ANK2: variants seen among roughly 807,000 people sequenced by gnomAD.
ANK2 encodes the protein ankyrin 2.
ANK2 carries 83 observed loss-of-function variants against 360.5 expected under a neutral mutation model. That is an observed-to-expected ratio of 0.23 (90% CI 0.19 to 0.28). The LOEUF is 0.28. Among genes scored for constraint, ANK2 ranks in the 10% least tolerant of loss-of-function variants. The probability of loss-of-function intolerance (pLI) is 1.00; values close to 1 mark genes in which losing one functional copy is unlikely to be tolerated. For synonymous variants in ANK2, 1,740 were observed against 1,759.5 expected (o/e 0.99, Z 0.28); for missense variants, 4,201 against 4,795.7 (o/e 0.88, Z 3.66).
rs2154322500 is a variant in ANK2 at position 113,049,657 on chromosome 4, G to T, written c.-72G>T. 1 of 1,533,050 alleles carries T rather than the reference G, an allele frequency of 6.5e-7. No homozygotes were observed. 95.0% of individuals were successfully genotyped at this position (1,533,050 alleles called of 1,614,324 possible). On this transcript the variant is annotated 5_prime_UTR_variant, in exon 1 of 46. Coordinates refer to ENST00000357077, the MANE Select transcript of ANK2 (RefSeq NM_001148.6). ...CTCCTCCTGCTTTCCTCCAGTAAGTGCATACCCGCTAGTGGTCTGTACAGG... is the reference window on the plus strand; with the variant it reads ...CTCCTCCTGCTTTCCTCCAGTAAGTTCATACCCGCTAGTGGTCTGTACAGG...
chr4:113,082,158 A>C (rs1051610952), intron 1 of ANK2, among the ~76,000 whole-genome samples: 1 of 152,222 alleles, frequency 6.6e-6, no homozygotes, highest in Non-Finnish European at 1.5e-5. Context: ...ATTTTACTGC[A>C]TATAGGTAAT....
chr4:112,779,079 G>A, the ANK2 span, among the ~76,000 whole-genome samples: 2 of 152,252 alleles, frequency 1.3e-5, no homozygotes, highest in African/African-American at 4.8e-5. Flanking sequence ...TTCAGTTTGA[G>A]CGATCCTGCA....
At chr4:112,956,609 A>C (rs1373974111) in intron 2 of ANK2, among the ~76,000 whole-genome samples, 1 of 152,252 alleles carries the variant, frequency 6.6e-6, no homozygotes, top group Non-Finnish European at 1.5e-5. Flanking sequence ...TGTCCTAAGC[A>C]GCATGAGATT....
chr4:112,830,601 A>G (rs1459808702), intron 1 of ANK2, among the ~76,000 whole-genome samples: 1 of 147,964 alleles, frequency 6.8e-6, no homozygotes, highest in African/African-American at 2.5e-5. Context: ...CCCCTGTAAC[A>G]TGCAATTATT....
At chr4:112,716,404 T>C in the ANK2 span, among the ~76,000 whole-genome samples, 1 of 152,164 alleles carries the variant, frequency 6.6e-6, no homozygotes, top group African/African-American at 2.4e-5. Flanking sequence ...GCCTCATTGG[T>C]CCATCATTAA....
Position 113,148,687 on chromosome 4 carries a change from C to T in ANK2, c.85-25729C>T, listed in dbSNP as rs188295939. On this transcript the variant is annotated intron_variant, in intron 1 of 45. Coordinates refer to ENST00000357077, the MANE Select transcript of ANK2 (RefSeq NM_001148.6). ...ATAGTTTTGAATGCTGGCGATTTAA[C>T]GATGACAAGACAGAGTTCCTGTGAT... 3.3e-4 allele frequency among the ~76,000 whole-genome samples: 51 copies of T among 152,246 alleles called. 1 individual carries two copies. Among genetic ancestry groups the T allele is most frequent in the Non-Finnish European group, 8.8e-5 (6 of 68,022 alleles).
intron 1 of ANK2, among the ~76,000 whole-genome samples, chr4:113,121,517 G>A (rs1448523605): frequency 6.6e-6 from 1 of 152,078 alleles, no homozygotes; most frequent in East Asian, 1.9e-4. Context: ...TATCAAAATT[G>A]CACCAAAATA....
intron 1 of ANK2, among the ~76,000 whole-genome samples, chr4:112,856,492 C>T (rs1453960370): frequency 2.0e-5 from 3 of 152,144 alleles, no homozygotes; most frequent in African/African-American, 4.8e-5. Flanking sequence ...CTTTGGGAGA[C>T]TGAGGTGGGC....
chr4:113,075,981 A>G (rs1343437134), intron 1 of ANK2, among the ~76,000 whole-genome samples: 4 of 152,170 alleles, frequency 2.6e-5, no homozygotes, highest in African/African-American at 9.7e-5. Context: ...TGAGAATCTG[A>G]TTCAGTAATT....
At chr4:113,186,744 A>C (rs1160272663) in intron 2 of ANK2, among the ~76,000 whole-genome samples, 1 of 152,308 alleles carries the variant, frequency 6.6e-6, no homozygotes, top group South Asian at 2.1e-4. Context: ...TAAAATGGCA[A>C]CTTCTTCAAA....
At chr4:112,729,727 GAC>G in the ANK2 span, among the ~76,000 whole-genome samples, 2 of 144,988 alleles carry the variant, frequency 1.4e-5, no homozygotes, top group East Asian at 4.1e-4. Flanking sequence ...CAGCCTGGGT[GAC>G]AGAGAGAGAC....
chr4:113,282,934 C>A (rs2062960537), intron 18 of ANK2, 62 bp downstream of exon 18: 3 of 1,561,594 alleles, frequency 1.9e-6, no homozygotes, highest in Middle Eastern at 1.7e-4. Flanking sequence ...AGGAACCAAT[C>A]GCAGACAGTT....
At chr4:112,957,581 G>A (rs1366725156) in intron 2 of ANK2, among the ~76,000 whole-genome samples, 1 of 152,076 alleles carries the variant, frequency 6.6e-6, no homozygotes, top group East Asian at 1.9e-4. Context: ...TCACTTCCCA[G>A]TAGGGGCGGC....
chr4:113,261,085 T>C (rs1192330996), intron 13 of ANK2, among the ~76,000 whole-genome samples: 2 of 152,236 alleles, frequency 1.3e-5, no homozygotes, highest in Non-Finnish European at 2.9e-5. Flanking sequence ...ATTTAGTACC[T>C]GCTTTGGACA....
chr4:112,974,987 ACT>A (rs1226134126), intron 2 of ANK2, among the ~76,000 whole-genome samples: 2 of 152,280 alleles, frequency 1.3e-5, no homozygotes, highest in Admixed American at 6.5e-5. Context: ...AAATGGGTTA[ACT>A]CTAGTTTCAA....
intron 2 of ANK2, among the ~76,000 whole-genome samples, chr4:113,015,260 T>C (rs2056272590): frequency 6.6e-6 from 1 of 152,208 alleles, no homozygotes; most frequent in South Asian, 2.1e-4. Flanking sequence ...TAATCTTTCA[T>C]AAGTCTTCAT....
Position 113,373,326 on chromosome 4 carries a change from C to T in ANK2, c.11736C>T (p.Gly3912=), listed in dbSNP as rs2096809373. ...TTAGGCGGTATGTATCCTCTGAAGG[C>T]ACAGAGAAAGAAGAGATTATGGTGC... ...KIIRRYVSSE[G]TEKEEIMVQG... is the part of the protein sequence containing the mutation. The change falls in exon 45 of 46, where the codon GGC becomes GGT. Residue 3912 remains glycine (G), a synonymous_variant. Transcript: ENST00000357077. 4 of 1,613,944 alleles carry T rather than the reference C, an allele frequency of 2.5e-6. No individual in the cohort carries two copies. Among genetic ancestry groups the T allele is most frequent in the Non-Finnish European group, 3.4e-6 (4 of 1,179,958 alleles).
At chr4:113,014,848 C>CTTTTTTT (rs530387481) in intron 2 of ANK2, among the ~76,000 whole-genome samples, 1 of 70,332 alleles carries the variant, frequency 1.4e-5, no homozygotes, top group African/African-American at 5.8e-5. Flanking sequence ...GATCATAGAG[C>CTTTTTTT]TTTTTTTTTT....
At chr4:113,021,120 T>A (rs1041781281) in intron 2 of ANK2, among the ~76,000 whole-genome samples, 2 of 152,174 alleles carry the variant, frequency 1.3e-5, no homozygotes, top group African/African-American at 4.8e-5. Flanking sequence ...CTGTTTCTGC[T>A]AAATTACTGG....
Sources: allele counts gnomAD v4.1 joint callset (sites outside exome capture counted in the v4.1 genomes callset), GRCh38; gene constraint gnomAD v4.1.1; transcripts MANE v1.5; gene names NCBI Gene and HGNC (gene_info 2026-07-23, HGNC 2026-07-21).